The following SLCO5A1 variants were observed in gnomAD, a reference collection of about 807,000 sequenced individuals.
The protein encoded by SLCO5A1 is organic anion transporter polypeptide-related protein 4.
In SLCO5A1, 39 loss-of-function variants were observed where a neutral mutation model predicts 65.1. That is an observed-to-expected ratio of 0.60 (90% CI 0.46 to 0.78). SLCO5A1 has a LOEUF of 0.78. SLCO5A1 is among the 30% of genes least tolerant of loss of function. The pLI is 0.00. For missense variants in SLCO5A1, 1,029 were observed against 1,069.4 expected, an observed-to-expected ratio of 0.96 and a Z score of 0.53; for synonymous variants, 438 against 415.7, an observed-to-expected ratio of 1.05 and a Z score of -0.65.
rs1586704388 is a variant in SLCO5A1 at position 69,705,118 on chromosome 8, C to G, written c.1535G>C (p.Gly512Ala). ...ESAKLAMICS[G>A]VSLLCFSTLF... ...GGTTGAAAAACATAGTAAAGACACA[C>G]CACTGCAGATCATTGCTAGTTTTGC... The change falls in exon 6 of 10, where the codon GGT becomes GCT. Residue 512 changes from glycine to alanine, a missense_variant. This residue lies in a region of SLCO5A1 where 647 missense variants were observed against 647.5 expected (regional missense o/e 1.00). Transcript: ENST00000260126. The G allele has an allele frequency of 6.2e-7, 1 of 1,614,174 alleles. No homozygotes were observed. Among genetic ancestry groups the G allele is most frequent in the Non-Finnish European group, 8.5e-7 (1 of 1,180,022 alleles).
At chr8:69,740,522 T>C (rs1156741741) in intron 4 of SLCO5A1, among the ~76,000 whole-genome samples, 1 of 152,158 alleles carries the variant, frequency 6.6e-6, no homozygotes, top group Non-Finnish European at 1.5e-5. Flanking sequence ...ACTGTGTGTG[T>C]GTTTGTATGT....
intron 6 of SLCO5A1, among the ~76,000 whole-genome samples, chr8:69,703,113 AAAAAAAAAAAAGAAAAAAG>A (rs1161048740): frequency 3.4e-5 from 3 of 89,414 alleles, no homozygotes; most frequent in Non-Finnish European, 8.7e-5. Flanking sequence ...TCTGTTTCAA[AAAAAAAAAAAAGAAAAAAG>A]AAAAAAAGAA....
chr8:69,784,969 GAA>G (rs1405242565), intron 2 of SLCO5A1, among the ~76,000 whole-genome samples: 83 of 129,046 alleles, frequency 6.4e-4, no homozygotes, highest in African/African-American at 2.3e-3. Flanking sequence ...AAGGAAGAAA[GAA>G]AGAGAAAGAA....
intron 2 of SLCO5A1, among the ~76,000 whole-genome samples, chr8:69,778,592 T>G (rs1045835999): frequency 6.6e-6 from 1 of 152,208 alleles, no homozygotes; most frequent in South Asian, 2.1e-4. Flanking sequence ...TTTTCTCTAA[T>G]TGAATACATA....
At chr8:69,813,480 G>A (rs539745411) in intron 2 of SLCO5A1, among the ~76,000 whole-genome samples, 92 of 152,340 alleles carry the variant, frequency 6.0e-4, no homozygotes, top group African/African-American at 2.1e-3. Flanking sequence ...TAGCGTTTTT[G>A]CAGGGTGACA....
chr8:69,801,826 C>A (rs542012190), intron 2 of SLCO5A1, among the ~76,000 whole-genome samples: 1 of 152,288 alleles, frequency 6.6e-6, no homozygotes, highest in South Asian at 2.1e-4. Context: ...TTTGGCTGAG[C>A]AAACTAAGAC....
At chr8:69,702,133 C>A (rs1413649836) in intron 6 of SLCO5A1, among the ~76,000 whole-genome samples, 1 of 152,086 alleles carries the variant, frequency 6.6e-6, no homozygotes, top group Non-Finnish European at 1.5e-5. Context: ...CTTTTTAATT[C>A]TATTTATGTT....
At chr8:69,821,658 A>C (rs1236622978) in intron 2 of SLCO5A1, among the ~76,000 whole-genome samples, 1 of 151,882 alleles carries the variant, frequency 6.6e-6, no homozygotes, top group Non-Finnish European at 1.5e-5. Context: ...AAATACAAAA[A>C]TTAGCCACAC....
At chr8:69,727,348 C>T (rs1323541723) in intron 5 of SLCO5A1, among the ~76,000 whole-genome samples, 2 of 152,068 alleles carry the variant, frequency 1.3e-5, no homozygotes, top group Non-Finnish European at 1.5e-5. Flanking sequence ...ATATGTCTTA[C>T]CTAGTACATG....
At chr8:69,751,889 C>A (rs1293036657) in intron 4 of SLCO5A1, among the ~76,000 whole-genome samples, 1 of 152,104 alleles carries the variant, frequency 6.6e-6, no homozygotes, top group Non-Finnish European at 1.5e-5. Context: ...CAACTTCTAC[C>A]TCCTCTTTGA....
intron 2 of SLCO5A1, among the ~76,000 whole-genome samples, chr8:69,762,918 A>T (rs1286037103): frequency 6.6e-6 from 1 of 152,226 alleles, no homozygotes. Flanking sequence ...ACCAGAAAAT[A>T]ATTTTTTAAA....
chr8:69,786,476 G>A (rs764101065), intron 2 of SLCO5A1, among the ~76,000 whole-genome samples: 4 of 152,166 alleles, frequency 2.6e-5, no homozygotes, highest in Admixed American at 2.0e-4. Context: ...AGGCTTCAGT[G>A]CTTAAGCTAC....
intron 6 of SLCO5A1, among the ~76,000 whole-genome samples, 174 bp from the exon 7 acceptor site, chr8:69,682,517 C>T (rs1235871594): frequency 6.6e-6 from 1 of 152,138 alleles, no homozygotes. Context: ...TAAAACAAAA[C>T]ATAAAGAAAA....
intron 2 of SLCO5A1, among the ~76,000 whole-genome samples, chr8:69,795,790 A>T (rs1051372458): frequency 2.6e-5 from 4 of 152,210 alleles, no homozygotes; most frequent in Admixed American, 2.6e-4. Flanking sequence ...GGTCTCCATG[A>T]GGGCTCCGAC....
rs558502147 is a variant in SLCO5A1, at chr8:69,810,525, G to A, written c.907+21242C>T. ...CTCAGCAAGTATGTGATATCATGGC[G>A]TGAGTGATGTTGGCCAATTTCAGGA... On this transcript the variant is annotated intron_variant, in intron 2 of 9. Coordinates refer to ENST00000260126, the MANE Select transcript of SLCO5A1 (RefSeq NM_030958.3). Among the ~76,000 whole-genome samples the A allele has an allele frequency of 5.3e-5, 8 of 152,316 alleles. No homozygotes were observed. In the East Asian group the frequency reaches 7.7e-4, roughly 15 times the overall value.
chr8:69,701,426 C>T (rs374037070), intron 6 of SLCO5A1, among the ~76,000 whole-genome samples: 12 of 152,108 alleles, frequency 7.9e-5, no homozygotes, highest in African/African-American at 2.4e-4. Flanking sequence ...TATACCTCTC[C>T]AACATTAACA....
chr8:69,704,776 A>T, intron 6 of SLCO5A1: 2 of 460,806 alleles, frequency 4.3e-6, no homozygotes, highest in South Asian at 3.5e-5. Context: ...TCCAATAAGC[A>T]TTTCATCCTC....
intron 2 of SLCO5A1, among the ~76,000 whole-genome samples, chr8:69,801,881 T>C (rs938082317): frequency 5.3e-5 from 8 of 152,226 alleles, no homozygotes; most frequent in African/African-American, 1.9e-4. Flanking sequence ...ATTCACAAAA[T>C]GCAAGAGCAA....
chr8:69,790,933 AG>A (rs1819241842), intron 2 of SLCO5A1, among the ~76,000 whole-genome samples: 1 of 152,212 alleles, frequency 6.6e-6, no homozygotes, highest in Non-Finnish European at 1.5e-5. Context: ...CCATGACTTC[AG>A]GGGATTTGAA....
Sources: gnomAD v4.1 joint callset for allele counts (sites outside exome capture counted in the v4.1 genomes callset) on GRCh38, gnomAD v4.1.1 for gene constraint, gnomAD v4.1.1 regional missense constraint, MANE v1.5 for transcripts, NCBI Gene and HGNC (gene_info 2026-07-23, HGNC 2026-07-21) for gene names.